Variants in MACROD2 observed in about 807,000 individuals in gnomAD.
MACROD2 encodes mono-ADP ribosylhydrolase 2.
MACROD2 carries 36 observed loss-of-function variants against 70.4 expected under a neutral mutation model. That is an observed-to-expected ratio of 0.51 (90% CI 0.39 to 0.68). The LOEUF (loss-of-function observed/expected upper bound fraction) is 0.68. MACROD2 is among the 30% of genes least tolerant of loss of function. The pLI, the probability that MACROD2 is intolerant of heterozygous loss-of-function variation, is 0.00. For missense variants in MACROD2, 496 were observed against 538.4 expected, an observed-to-expected ratio of 0.92 and a Z score of 0.78; for synonymous variants, 172 against 178.8, an observed-to-expected ratio of 0.96 and a Z score of 0.30.
intron 8 of MACROD2, among the ~76,000 whole-genome samples, chr20:15,776,950 C>T (rs752341798): frequency 8.5e-5 from 13 of 152,208 alleles, no homozygotes; most frequent in Non-Finnish European, 1.2e-4. Flanking sequence ...GAAAAGAATG[C>T]GACTGTTGAG....
intron 4 of MACROD2, among the ~76,000 whole-genome samples, chr20:14,589,657 A>C (rs541867740): frequency 1.3e-5 from 2 of 152,152 alleles, no homozygotes; most frequent in African/African-American, 4.8e-5. Context: ...ATACTTATTC[A>C]TGACATTATA....
intron 5 of MACROD2, among the ~76,000 whole-genome samples, chr20:14,691,445 G>T (rs2071063034): frequency 6.6e-6 from 1 of 152,142 alleles, no homozygotes; most frequent in Non-Finnish European, 1.5e-5. Context: ...ACCTTGAAAA[G>T]AATGCCTAGA....
At chr20:14,230,906 G>T (rs2081804508) in intron 3 of MACROD2, among the ~76,000 whole-genome samples, 1 of 151,318 alleles carries the variant, frequency 6.6e-6, no homozygotes, top group African/African-American at 2.4e-5. Context: ...GTGTTAGCAG[G>T]TGTGAAAAAA....
chr20:14,260,855 A>G (rs758698355), intron 3 of MACROD2, among the ~76,000 whole-genome samples: 3 of 152,232 alleles, frequency 2.0e-5, no homozygotes, highest in Non-Finnish European at 4.4e-5. Flanking sequence ...AAGTATAACA[A>G]ACACTGATGG....
intron 3 of MACROD2, among the ~76,000 whole-genome samples, chr20:14,468,415 A>G (rs1284639441): frequency 6.8e-6 from 1 of 146,668 alleles, no homozygotes; most frequent in Non-Finnish European, 1.5e-5. Flanking sequence ...CTGTTTTATC[A>G]GAGACTAGGA....
intron 7 of MACROD2, among the ~76,000 whole-genome samples, chr20:15,443,867 AT>A (rs1162576853): frequency 6.6e-6 from 1 of 152,056 alleles, no homozygotes; most frequent in Non-Finnish European, 1.5e-5. Flanking sequence ...CCTGGTTTCT[AT>A]TTTTTTACTT....
chr20:14,213,760 T>G (rs2081590753), intron 3 of MACROD2, among the ~76,000 whole-genome samples: 1 of 152,158 alleles, frequency 6.6e-6, no homozygotes, highest in South Asian at 2.1e-4. Context: ...ACATTTAAAA[T>G]TAATTGAATC....
chr20:14,527,590 G>A (rs2085250371), intron 4 of MACROD2, among the ~76,000 whole-genome samples: 1 of 152,196 alleles, frequency 6.6e-6, no homozygotes, highest in African/African-American at 2.4e-5. Context: ...AGGAAGATAT[G>A]CAAATGTACT....
chr20:14,670,581 T>C (rs747618809), intron 4 of MACROD2, among the ~76,000 whole-genome samples: 19 of 152,192 alleles, frequency 1.2e-4, no homozygotes, highest in African/African-American at 4.3e-4. Context: ...TTATCCAGAA[T>C]GTCAAGGAAT....
At chr20:15,346,781 A>G (rs2078171133) in intron 6 of MACROD2, among the ~76,000 whole-genome samples, 1 of 152,242 alleles carries the variant, frequency 6.6e-6, no homozygotes, top group East Asian at 1.9e-4. Flanking sequence ...CTCTCCGTTT[A>G]CGATGACTGT....
chr20:14,574,586 A>G (rs1980446187), intron 4 of MACROD2, among the ~76,000 whole-genome samples: 1 of 152,088 alleles, frequency 6.6e-6, no homozygotes, highest in Non-Finnish European at 1.5e-5. Context: ...TGATGTACAC[A>G]AAACTGTTTT....
chr20:14,051,755 G>A, intron 2 of MACROD2: 1 of 438,684 alleles, frequency 2.3e-6, no homozygotes, highest in Non-Finnish European at 4.5e-6. Flanking sequence ...TTGAGATTAG[G>A]AATTGATTAG....
chr20:14,183,342 C>T (rs1436086393), intron 3 of MACROD2, among the ~76,000 whole-genome samples: 3 of 151,796 alleles, frequency 2.0e-5, no homozygotes, highest in Non-Finnish European at 4.4e-5. Flanking sequence ...CATCTATGTC[C>T]TTGTAAAGCA....
intron 5 of MACROD2, among the ~76,000 whole-genome samples, chr20:14,785,997 T>C (rs1439629361): frequency 6.6e-6 from 1 of 152,114 alleles, no homozygotes. Flanking sequence ...ATGGAGAACA[T>C]ATTTTGATGA....
intron 5 of MACROD2, among the ~76,000 whole-genome samples, chr20:15,025,401 T>A (rs2075222401): frequency 6.6e-6 from 1 of 151,468 alleles, no homozygotes; most frequent in South Asian, 2.1e-4. Context: ...CCCGGAAGCC[T>A]GGGCAGTGTC....
At chr20:15,549,380 A>T (rs1331496019) in intron 8 of MACROD2, among the ~76,000 whole-genome samples, 2 of 152,344 alleles carry the variant, frequency 1.3e-5, no homozygotes, top group South Asian at 4.1e-4. Context: ...TTTTATGCAG[A>T]TATGGAGAGA....
chr20:14,862,646 T>TATATAAATATATATAAAAATATATATAA (rs1555840106), intron 5 of MACROD2, among the ~76,000 whole-genome samples: 3 of 4,782 alleles, frequency 6.3e-4, no homozygotes, highest in Non-Finnish European at 1.1e-3. Context: ...TATATAAATA[T>TATATAAATATATATAAAAATATATATAA]ATATATATAA....
chr20:14,936,981 T>G (rs977944743), intron 5 of MACROD2, among the ~76,000 whole-genome samples: 3 of 152,106 alleles, frequency 2.0e-5, no homozygotes, highest in Non-Finnish European at 2.9e-5. Flanking sequence ...GAGCTTGTTA[T>G]TTTGTAAGGA....
chr20:15,861,880 A>G (rs537593349), intron 8 of MACROD2, among the ~76,000 whole-genome samples: 88 of 152,288 alleles, frequency 5.8e-4, no homozygotes, highest in Non-Finnish European at 1.1e-3. Context: ...TTGATGTTCT[A>G]TGCAACTTGC....
Sources: allele counts gnomAD v4.1 joint callset (sites outside exome capture counted in the v4.1 genomes callset), GRCh38; gene constraint gnomAD v4.1.1; transcripts MANE v1.5; gene names NCBI Gene and HGNC (gene_info 2026-07-23, HGNC 2026-07-21).